Variants in RGS6 observed in about 807,000 individuals in gnomAD.
RGS6 encodes the protein regulator of G-protein signaling 6.
In RGS6, 30 loss-of-function variants were observed where a neutral mutation model predicts 78.5. The observed-to-expected ratio is 0.38, with a 90% CI of 0.29 to 0.52. The LOEUF (loss-of-function observed/expected upper bound fraction) is 0.52. Ranked by LOEUF, RGS6 falls within the 20% of genes least tolerant of loss-of-function variation. RGS6 has a pLI of 0.85. For synonymous variants in RGS6, 206 were observed against 206.0 expected (o/e 1.00, Z 0.00); for missense variants, 495 against 609.7 (o/e 0.81, Z 1.98).
chr14:72,147,860 A>G (rs762298010), intron 2 of RGS6, among the ~76,000 whole-genome samples: 95 of 152,276 alleles, frequency 6.2e-4, no homozygotes, highest in African/African-American at 1.5e-3. Context: ...GTCTGGGTGC[A>G]GTGGCTCATG....
chr14:72,267,686 A>G (rs1219748891), intron 2 of RGS6, among the ~76,000 whole-genome samples: 1 of 152,226 alleles, frequency 6.6e-6, no homozygotes, highest in Non-Finnish European at 1.5e-5. Context: ...TTCCAACTCC[A>G]TGGAGCAAAT....
intron 2 of RGS6, among the ~76,000 whole-genome samples, chr14:72,154,233 A>G (rs2096737130): frequency 6.6e-6 from 1 of 151,984 alleles, no homozygotes; most frequent in Non-Finnish European, 1.5e-5. Flanking sequence ...TTGTTCCCTA[A>G]AAGTCGCTGT....
chr14:72,246,348 A>G (rs993400068), intron 2 of RGS6, among the ~76,000 whole-genome samples: 1 of 152,244 alleles, frequency 6.6e-6, no homozygotes, highest in African/African-American at 2.4e-5. Flanking sequence ...CTAAGGGTAA[A>G]GTGACAGAGC....
chr14:72,417,300 C>A (rs2093885745), intron 3 of RGS6, among the ~76,000 whole-genome samples: 1 of 152,226 alleles, frequency 6.6e-6, no homozygotes, highest in Non-Finnish European at 1.5e-5. Flanking sequence ...TGACTGCCCC[C>A]CCACCAAGTC....
the RGS6 span, among the ~76,000 whole-genome samples, chr14:72,571,689 A>C: frequency 2.6e-5 from 4 of 152,248 alleles, no homozygotes; most frequent in African/African-American, 7.2e-5. Flanking sequence ...AATGGATAGA[A>C]GAGCTAATAC....
At chr14:72,606,494 G>T in the RGS6 span, among the ~76,000 whole-genome samples, 1 of 152,126 alleles carries the variant, frequency 6.6e-6, no homozygotes, top group Non-Finnish European at 1.5e-5. Context: ...CGGGTGTTGA[G>T]CCACTCATCA....
At chr14:71,904,174 A>T in the RGS6 span, among the ~76,000 whole-genome samples, 4 of 152,062 alleles carry the variant, frequency 2.6e-5, no homozygotes, top group Non-Finnish European at 5.9e-5. Flanking sequence ...GAGCATCCTG[A>T]TTTTTTTCTC....
intron 2 of RGS6, among the ~76,000 whole-genome samples, chr14:72,228,536 G>A (rs535451062): frequency 6.6e-6 from 1 of 152,336 alleles, no homozygotes; most frequent in African/African-American, 2.4e-5. Flanking sequence ...TGGTGGTTCA[G>A]TAGAAATAGA....
the RGS6 span, among the ~76,000 whole-genome samples, chr14:71,870,873 C>A: frequency 1.3e-5 from 2 of 152,148 alleles, no homozygotes; most frequent in Non-Finnish European, 2.9e-5. Context: ...TATTAGGAGG[C>A]CTTGGGCCTC....
chr14:72,615,228 A>ACGGG, the RGS6 span, among the ~76,000 whole-genome samples: 3 of 152,094 alleles, frequency 2.0e-5, no homozygotes, highest in Admixed American at 1.3e-4. Context: ...GCCCTGGGCC[A>ACGGG]CGGGCGGCGC....
chr14:72,448,835 G>A (rs1424920752), intron 3 of RGS6, among the ~76,000 whole-genome samples: 1 of 152,114 alleles, frequency 6.6e-6, no homozygotes, highest in Non-Finnish European at 1.5e-5. Context: ...AATAATATTT[G>A]GCATGAAATT....
At chr14:72,311,178 GA>G (rs2068529291) in intron 2 of RGS6, among the ~76,000 whole-genome samples, 1 of 152,160 alleles carries the variant, frequency 6.6e-6, no homozygotes, top group Non-Finnish European at 1.5e-5. Flanking sequence ...CTCACAAAAG[GA>G]AAGGCCCTTT....
the RGS6 span, among the ~76,000 whole-genome samples, chr14:72,606,036 G>A: frequency 2.6e-5 from 4 of 152,144 alleles, no homozygotes; most frequent in East Asian, 7.7e-4. Flanking sequence ...CTTGTCCCCC[G>A]AGACCTCTGG....
At chr14:72,234,301 C>T (rs1387748783) in intron 2 of RGS6, among the ~76,000 whole-genome samples, 1 of 151,798 alleles carries the variant, frequency 6.6e-6, no homozygotes, top group East Asian at 1.9e-4. Context: ...GGTCAAAATT[C>T]TGATTTGCAT....
At chr14:72,054,406 T>C (rs1206710124) in intron 2 of RGS6, among the ~76,000 whole-genome samples, 1 of 152,220 alleles carries the variant, frequency 6.6e-6, no homozygotes, top group Non-Finnish European at 1.5e-5. Flanking sequence ...AGTTTTGAGA[T>C]TCTTGCTTCT....
intron 2 of RGS6, among the ~76,000 whole-genome samples, chr14:72,300,350 C>T (rs1157829804): frequency 6.6e-6 from 1 of 152,022 alleles, no homozygotes; most frequent in African/African-American, 2.4e-5. Flanking sequence ...CTGAAACTTA[C>T]CTAGAGATGA....
intron 3 of RGS6, among the ~76,000 whole-genome samples, chr14:72,387,369 A>C (rs909062307): frequency 1.3e-5 from 2 of 152,064 alleles, no homozygotes; most frequent in African/African-American, 4.8e-5. Context: ...CTAACACAGC[A>C]AAACCCCATC....
intron 2 of RGS6, chr14:71,990,561 A>G (rs915655527): frequency 6.6e-6 from 3 of 455,486 alleles, no homozygotes; most frequent in African/African-American, 6.0e-5. Flanking sequence ...GGAGAGGATC[A>G]TTCCTGGGCA....
Position 72,161,415 on chromosome 14 carries a change from T to C in RGS6, c.85-190680T>C, listed in dbSNP as rs368463857. Among the ~76,000 whole-genome samples, 3 of 152,168 alleles carry C rather than the reference T, an allele frequency of 2.0e-5. No homozygotes were observed. The East Asian group carries it at 5.8e-4, about 29-fold the overall frequency. ...AAAAAAAGCAATAAAGAGGAGGTGA[T>C]GGTAATAGGCACAGACTTTTGCTTG... On this transcript the variant is annotated intron_variant, in intron 2 of 17. Coordinates refer to ENST00000553525, the MANE Select transcript of RGS6 (RefSeq NM_001204424.2).
Sources: gnomAD v4.1 joint callset for allele counts (sites outside exome capture counted in the v4.1 genomes callset) on GRCh38, gnomAD v4.1.1 for gene constraint, MANE v1.5 for transcripts, NCBI Gene and HGNC (gene_info 2026-07-23, HGNC 2026-07-21) for gene names.